The following MEGF6 variants were observed in gnomAD, a reference collection of about 807,000 sequenced individuals.
MEGF6 encodes the protein multiple EGF like domains 6.
Under a neutral mutation model 207.1 loss-of-function variants are expected in MEGF6, and 184 were observed. The observed-to-expected ratio is 0.89, with a 90% CI of 0.79 to 1.00. The LOEUF is 1.00. MEGF6 is among the 50% of genes least tolerant of loss of function. The pLI, the probability that MEGF6 is intolerant of heterozygous loss-of-function variation, is 0.00. For missense variants in MEGF6, 2,282 were observed against 2,202.9 expected (o/e 1.04, Z -0.72); for synonymous variants, 1,038 against 910.0 (o/e 1.14, Z -2.53).
At chr1:3,562,407 G>C (rs1394548135) in intron 4 of MEGF6, among the ~76,000 whole-genome samples, 1 of 151,978 alleles carries the variant, frequency 6.6e-6, no homozygotes, top group Non-Finnish European at 1.5e-5. Flanking sequence ...TCCCCCAAGG[G>C]CACTGATTTC....
rs1353270711 is a variant in MEGF6 at position 3,563,721 on chromosome 1, G to A, written c.481+16104C>T. ...GAAAGAGAGACGAGGCTGATGTTCA[G>A]GTTGTTTGAATTAAGGAGGCCCTGG... On this transcript the variant is annotated intron_variant, in intron 4 of 36. Transcript: ENST00000356575. Among the ~76,000 whole-genome samples, 8 of 152,312 alleles carry A rather than the reference G, an allele frequency of 5.3e-5. No homozygotes were observed. The East Asian group carries it at 1.5e-3, about 29-fold the overall frequency.
chr1:3,611,831 T>C (rs772435932), upstream of MEGF6, among the ~76,000 whole-genome samples: 17 of 150,306 alleles, frequency 1.1e-4, no homozygotes, highest in Non-Finnish European at 2.1e-4. Context: ...GCTCGTCTCA[T>C]GCGGAAAGTC....
At chr1:3,534,613 T>C (rs1312189082) in intron 4 of MEGF6, among the ~76,000 whole-genome samples, 1 of 152,144 alleles carries the variant, frequency 6.6e-6, no homozygotes, top group Non-Finnish European at 1.5e-5. Flanking sequence ...GGCCTGACCA[T>C]GCCCCTTCCC....
intron 34 of MEGF6, 61 bp downstream of exon 34, chr1:3,493,710 A>G (rs575516401): frequency 2.5e-6 from 4 of 1,577,496 alleles, no homozygotes; most frequent in African/African-American, 1.3e-5. Context: ...CCAACCAATC[A>G]ATATTGGTCA....
chr1:3,511,723 C>T (rs759820984), intron 8 of MEGF6, 36 bp from the exon 9 acceptor site: 38 of 1,582,658 alleles, frequency 2.4e-5, no homozygotes, highest in Middle Eastern at 1.7e-4. Flanking sequence ...TATGGGATGG[C>T]GGCTAGGATG....
intron 26 of MEGF6, chr1:3,497,576 G>T: frequency 1.4e-6 from 1 of 713,854 alleles, no homozygotes; most frequent in Non-Finnish European, 2.5e-6. Flanking sequence ...CCACCGGCAG[G>T]CACAGCGCCC....
chr1:3,543,190 C>T (rs1182062007), intron 4 of MEGF6, among the ~76,000 whole-genome samples: 1 of 152,170 alleles, frequency 6.6e-6, no homozygotes, highest in Non-Finnish European at 1.5e-5. Flanking sequence ...CACCCTGAGG[C>T]CAGTCTCCTG....
At chr1:3,609,095 C>T (rs565321217) in intron 1 of MEGF6, among the ~76,000 whole-genome samples, 3 of 152,328 alleles carry the variant, frequency 2.0e-5, no homozygotes, top group Admixed American at 6.5e-5. Flanking sequence ...CCTGCCTGCT[C>T]ATCAGATTCC....
upstream of MEGF6, among the ~76,000 whole-genome samples, chr1:3,615,490 C>A (rs909687239): frequency 2.6e-5 from 4 of 152,346 alleles, no homozygotes; most frequent in East Asian, 7.7e-4. Flanking sequence ...CCATCCTAAA[C>A]ACCTTTCAGG....
chr1:3,498,800 TGTC>T lies in MEGF6; in HGVS notation c.3118_3120del (p.Asp1040del). 6.4e-7 allele frequency: 1 copy of T among 1,555,328 alleles called. No homozygotes were observed. Among genetic ancestry groups the T allele is most frequent in the East Asian group, 2.4e-5 (1 of 41,450 alleles). The stretch of plus-strand genomic sequence containing the variant: ...TGGCAGAGGCAGGAATGCCGACAGT[TGTC>T]GCCGTACAGGCCGGCAGGGCAGGCT... On this transcript the variant is annotated inframe_deletion, in exon 25 of 37. Transcript: ENST00000356575.
chr1:3,601,036 C>T (rs12097827), intron 2 of MEGF6, among the ~76,000 whole-genome samples: 2,233 of 152,276 alleles, frequency 0.015, 47 homozygotes, highest in African/African-American at 0.05. Flanking sequence ...AGTGCCCCCC[C>T]CTCCAAGCAG....
intron 4 of MEGF6, among the ~76,000 whole-genome samples, chr1:3,557,617 C>T (rs748266630): frequency 1.1e-4 from 17 of 152,244 alleles, no homozygotes; most frequent in Non-Finnish European, 2.1e-4. Flanking sequence ...GCACAGGCCA[C>T]AGGGAGCCGG....
chr1:3,502,502 G>T (rs930514027), intron 17 of MEGF6, among the ~76,000 whole-genome samples: 1 of 152,068 alleles, frequency 6.6e-6, no homozygotes, highest in Non-Finnish European at 1.5e-5. Flanking sequence ...CACTCCACCC[G>T]CAGAGTCACT....
intron 4 of MEGF6, among the ~76,000 whole-genome samples, chr1:3,578,001 AG>A (rs1466026609): frequency 1.3e-5 from 2 of 152,238 alleles, no homozygotes; most frequent in Non-Finnish European, 2.9e-5. Context: ...CTCATGGAGC[AG>A]GGGGCTTGGA....
intron 4 of MEGF6, among the ~76,000 whole-genome samples, chr1:3,541,020 G>A (rs958661312): frequency 6.6e-6 from 1 of 152,196 alleles, no homozygotes; most frequent in Non-Finnish European, 1.5e-5. Flanking sequence ...TGGCATCCTG[G>A]GGCCAAACAG....
chr1:3,520,493 C>A (rs1360290342), intron 5 of MEGF6, among the ~76,000 whole-genome samples: 1 of 152,206 alleles, frequency 6.6e-6, no homozygotes, highest in Non-Finnish European at 1.5e-5. Context: ...GAATGAGAAG[C>A]AGGCTTGGCC....
intron 35 of MEGF6, 22 bp from the exon 36 acceptor site, chr1:3,490,981 C>G (rs75327990): frequency 6.3e-7 from 1 of 1,579,128 alleles, no homozygotes; most frequent in Non-Finnish European, 8.6e-7. Context: ...AGAGAGCAGG[C>G]CATGTTAGTA....
intron 3 of MEGF6, among the ~76,000 whole-genome samples, chr1:3,586,004 GACAC>G (rs1205743464): frequency 3.4e-5 from 5 of 145,180 alleles, no homozygotes; most frequent in African/African-American, 5.3e-5. Context: ...TGGGTGTGTG[GACAC>G]ATGTCCTGTG....
rs1425884678 is a variant in MEGF6 at position 3,538,253 on chromosome 1, A to T, written c.482-14007T>A. On this transcript the variant is annotated intron_variant, in intron 4 of 36. Transcript: ENST00000356575. ...CTGCCTCCCTGCGGAGACAGAGCAG[A>T]CCGGCCTCCCCAGCGTTCCTCGCAC... Among the ~76,000 whole-genome samples the T allele has an allele frequency of 2.6e-5, 4 of 152,192 alleles. No homozygotes were observed. The East Asian group carries it at 7.7e-4, about 29-fold the overall frequency.
Sources: allele counts gnomAD v4.1 joint callset (sites outside exome capture counted in the v4.1 genomes callset), GRCh38; gene constraint gnomAD v4.1.1; transcripts MANE v1.5; gene names NCBI Gene and HGNC (gene_info 2026-07-23, HGNC 2026-07-21).